CHN2: variants seen among roughly 807,000 people sequenced by gnomAD.
CHN2 encodes beta-chimaerin.
In CHN2, 35 loss-of-function variants were observed where a neutral mutation model predicts 56.3. The ratio of observed to expected loss-of-function variants is 0.62; its 90% CI spans 0.47 to 0.82. CHN2 has a LOEUF of 0.82. Ranked by LOEUF, CHN2 falls within the 40% of genes least tolerant of loss-of-function variation. The pLI is 0.00. For missense variants in CHN2, 491 were observed against 580.5 expected (o/e 0.85, Z 1.58); for synonymous variants, 210 against 212.8 (o/e 0.99, Z 0.12).
At chr7:29,313,954 G>C (rs1794775092) in intron 1 of CHN2, among the ~76,000 whole-genome samples, 1 of 152,090 alleles carries the variant, frequency 6.6e-6, no homozygotes, top group Admixed American at 6.6e-5. Flanking sequence ...TGTATTCCTG[G>C]TGGCCTCTTT....
chr7:29,254,094 G>T (rs1211353689), intron 1 of CHN2, among the ~76,000 whole-genome samples: 2 of 152,132 alleles, frequency 1.3e-5, no homozygotes, highest in Non-Finnish European at 2.9e-5. Context: ...TAGTAGAGAC[G>T]GGTTTTCACC....
chr7:29,280,008 A>G (rs758577486), intron 1 of CHN2, among the ~76,000 whole-genome samples: 13 of 152,116 alleles, frequency 8.5e-5, no homozygotes, highest in Non-Finnish European at 1.6e-4. Context: ...ATGGATGACA[A>G]CTGGAAGGTG....
intron 1 of CHN2, among the ~76,000 whole-genome samples, chr7:29,273,397 C>T (rs1790913480): frequency 2.1e-5 from 2 of 96,978 alleles, no homozygotes; most frequent in South Asian, 7.0e-4. Context: ...ATACACACAC[C>T]ACATTTTCTT....
intron 6 of CHN2, among the ~76,000 whole-genome samples, chr7:29,451,932 C>T (rs910638199): frequency 2.6e-5 from 4 of 152,102 alleles, no homozygotes; most frequent in Non-Finnish European, 5.9e-5. Flanking sequence ...TGGTGCATGC[C>T]CATAGGCCTA....
intron 12 of CHN2, among the ~76,000 whole-genome samples, chr7:29,510,644 C>T (rs1465679007): frequency 1.3e-5 from 2 of 152,212 alleles, no homozygotes; most frequent in Non-Finnish European, 2.9e-5. Flanking sequence ...CAACAGGCTT[C>T]TCTCAGAACA....
chr7:29,285,079 T>C (rs1378376594), intron 1 of CHN2, among the ~76,000 whole-genome samples: 1 of 152,192 alleles, frequency 6.6e-6, no homozygotes, highest in Non-Finnish European at 1.5e-5. Context: ...GCCGCTTCTG[T>C]TCTTTGCACT....
chr7:29,240,952 C>A (rs941035422), intron 1 of CHN2, among the ~76,000 whole-genome samples: 2 of 152,036 alleles, frequency 1.3e-5, no homozygotes, highest in Admixed American at 1.3e-4. Flanking sequence ...GTGAGGCAAT[C>A]TCAGCTCACT....
intron 1 of CHN2, among the ~76,000 whole-genome samples, chr7:29,224,658 A>G (rs1340053841): frequency 6.6e-6 from 1 of 152,238 alleles, no homozygotes; most frequent in Admixed American, 6.5e-5. Flanking sequence ...GGAACAATTG[A>G]AATGGCCTAT....
At chr7:29,224,329 T>A (rs1481308787) in intron 1 of CHN2, among the ~76,000 whole-genome samples, 1 of 152,232 alleles carries the variant, frequency 6.6e-6, no homozygotes, top group Non-Finnish European at 1.5e-5. Context: ...AAGGATAGAC[T>A]TTTAGGCCAT....
intron 1 of CHN2, among the ~76,000 whole-genome samples, chr7:29,302,347 C>G (rs1793754009): frequency 6.6e-6 from 1 of 151,638 alleles, no homozygotes; most frequent in Non-Finnish European, 1.5e-5. Context: ...CTTCTTTCTT[C>G]TTCCAGAGTC....
intron 1 of CHN2, among the ~76,000 whole-genome samples, chr7:29,285,221 C>G (rs1562889945): frequency 6.6e-6 from 1 of 152,248 alleles, no homozygotes; most frequent in Non-Finnish European, 1.5e-5. Context: ...GCATTGAAAT[C>G]TGGCTCACCG....
chr7:29,409,488 T>A (rs1802991297), intron 6 of CHN2, among the ~76,000 whole-genome samples: 1 of 152,224 alleles, frequency 6.6e-6, no homozygotes, highest in African/African-American at 2.4e-5. Flanking sequence ...TAAATCTCTT[T>A]AGTGTCTGGC....
At chr7:29,383,021 G>A (rs1440926826) in intron 3 of CHN2, among the ~76,000 whole-genome samples, 1 of 152,128 alleles carries the variant, frequency 6.6e-6, no homozygotes, top group Non-Finnish European at 1.5e-5. Flanking sequence ...GACCATCCAG[G>A]GAAGATCCTA....
At chr7:29,223,696 C>T (rs1785975113) in intron 1 of CHN2, among the ~76,000 whole-genome samples, 1 of 151,912 alleles carries the variant, frequency 6.6e-6, no homozygotes, top group African/African-American at 2.4e-5. Context: ...TGGGTTGCTT[C>T]CAAGTTGGGA....
At chr7:29,292,802 T>A (rs1458616554) in intron 1 of CHN2, 19 of 434,392 alleles carry the variant, frequency 4.4e-5, no homozygotes, top group South Asian at 2.9e-4. Flanking sequence ...ATTCAAAATA[T>A]GTTCAGAATC....
intron 6 of CHN2, among the ~76,000 whole-genome samples, chr7:29,456,415 A>AAG (rs10648378): frequency 0.14 from 21,764 of 152,052 alleles, 2,009 homozygotes; most frequent in African/African-American, 0.27. Context: ...ATGGTGAAGA[A>AAG]AGAGAGAGGG....
At chr7:29,333,473 G>A (rs1205074116) in intron 1 of CHN2, among the ~76,000 whole-genome samples, 1 of 152,044 alleles carries the variant, frequency 6.6e-6, no homozygotes, top group Admixed American at 6.6e-5. Flanking sequence ...AAGAAATTGG[G>A]GTCTCTTGAG....
At chr7:29,512,520 C>T (rs1791603130) in intron 12 of CHN2, 44 bp from the exon 13 acceptor site, 1 of 1,532,462 alleles carries the variant, frequency 6.5e-7, no homozygotes, top group African/African-American at 1.4e-5. Context: ...AAAATCAATC[C>T]TCAAGTCTCC....
chr7:29,374,457 C>CT (rs1799866233), intron 3 of CHN2, among the ~76,000 whole-genome samples: 1 of 152,052 alleles, frequency 6.6e-6, no homozygotes, highest in Non-Finnish European at 1.5e-5. Flanking sequence ...AAAGTGCATA[C>CT]TCCCCCTGCC....
Sources: gnomAD v4.1 joint callset for allele counts (sites outside exome capture counted in the v4.1 genomes callset) on GRCh38, gnomAD v4.1.1 for gene constraint, MANE v1.5 for transcripts, NCBI Gene and HGNC (gene_info 2026-07-23, HGNC 2026-07-21) for gene names.